Variants in DMD observed in about 807,000 individuals in gnomAD.
DMD encodes the protein mutant dystrophin.
Under a neutral mutation model 330.1 loss-of-function variants are expected in DMD, and 63 were observed. The ratio of observed to expected loss-of-function variants is 0.19; its 90% CI spans 0.16 to 0.24. The LOEUF is 0.24. Ranked by LOEUF, DMD falls within the 10% of genes least tolerant of loss-of-function variation. The pLI, the probability that DMD is intolerant of heterozygous loss-of-function variation, is 1.00. For missense variants in DMD, 3,344 were observed against 2,684.1 expected, an observed-to-expected ratio of 1.25 and a Z score of -5.43; for synonymous variants, 1,223 against 959.8, an observed-to-expected ratio of 1.27 and a Z score of -5.07.
intron 9 of DMD, among the ~76,000 whole-genome samples, chrX:32,655,059 C>G (rs973363351): frequency 9.0e-6 from 1 of 111,102 alleles, no homozygotes; most frequent in Non-Finnish European, 1.9e-5. Context: ...GTCTTGCTAG[C>G]GATCTATCAA....
intron 1 of DMD, among the ~76,000 whole-genome samples, chrX:33,247,304 A>C (rs1360599504): frequency 2.7e-5 from 3 of 111,608 alleles, no homozygotes; most frequent in African/African-American, 3.3e-5. Context: ...TTTCTTATAT[A>C]TTTTGTTTCT....
At chrX:31,888,896 T>C (rs1182249449) in intron 47 of DMD, among the ~76,000 whole-genome samples, 1 of 112,320 alleles carries the variant, frequency 8.9e-6, no homozygotes, top group African/African-American at 3.2e-5. Context: ...ACTTTAAAAG[T>C]AAGTGGATTT....
At chrX:32,128,946 G>T (rs1462173165) in intron 44 of DMD, among the ~76,000 whole-genome samples, 1 of 111,134 alleles carries the variant, frequency 9.0e-6, no homozygotes, top group Admixed American at 9.6e-5. Flanking sequence ...GAGCACAACA[G>T]AAACTCAATG....
At chrX:32,318,160 C>A (rs1156569043) in intron 41 of DMD, among the ~76,000 whole-genome samples, 1 of 111,262 alleles carries the variant, frequency 9.0e-6, no homozygotes, top group East Asian at 2.8e-4. Flanking sequence ...CCCCACAAGT[C>A]TTCAGAGAAA....
intron 1 of DMD, among the ~76,000 whole-genome samples, chrX:33,021,598 T>C (rs954121549): frequency 1.8e-5 from 2 of 111,463 alleles, no homozygotes; most frequent in Non-Finnish European, 3.8e-5. Context: ...ATAACAAATA[T>C]ATGCATGCAC....
At chrX:32,480,235 C>T (rs976365591) in intron 21 of DMD, among the ~76,000 whole-genome samples, 29 of 111,563 alleles carry the variant, frequency 2.6e-4, no homozygotes, top group African/African-American at 5.5e-4. Context: ...AAAATTAGAA[C>T]GGCTACTTTC....
intron 61 of DMD, among the ~76,000 whole-genome samples, chrX:31,342,284 A>T (rs1052938631): frequency 1.1e-4 from 12 of 111,555 alleles, no homozygotes; most frequent in African/African-American, 3.9e-4. Context: ...CTTTAGCAGA[A>T]ATTTTTTGTC....
Position 32,488,472 on chromosome X carries a change from C to T in DMD, c.2622+2805G>A, listed in dbSNP as rs7891308. ...TAAAACTTCTCCAAATAAAATAAAA[C>T]GCTGAGAAACATGTTATAATTTATT... On this transcript the variant is annotated intron_variant, in intron 20 of 78. Coordinates refer to ENST00000357033, the MANE Select transcript of DMD (RefSeq NM_004006.3). 7.9e-3 allele frequency among the ~76,000 whole-genome samples: 879 copies of T among 111,525 alleles called. 12 individuals carry two copies. The highest frequency in any genetic ancestry group is 0.027 in the African/African-American group (819 of 30,745).
chrX:31,362,901 G>C (rs1210611758), intron 60 of DMD, among the ~76,000 whole-genome samples: 2 of 112,784 alleles, frequency 1.8e-5, no homozygotes, highest in African/African-American at 6.4e-5. Flanking sequence ...AGTGAGCCGA[G>C]ATCGTGCCAC....
chrX:31,528,202 ACAGTGCATTAAAATACCTAAAC>A (rs2073394629), intron 55 of DMD, among the ~76,000 whole-genome samples: 1 of 111,595 alleles, frequency 9.0e-6, no homozygotes, highest in African/African-American at 3.3e-5. Context: ...TTAGGTTGTA[ACAGTGCATTAAAATACCTAAAC>A]AGTATACCAG....
intron 9 of DMD, among the ~76,000 whole-genome samples, chrX:32,673,460 G>C (rs1024273070): frequency 3.6e-5 from 4 of 111,439 alleles, no homozygotes; most frequent in Non-Finnish European, 7.6e-5. Flanking sequence ...ATATAGCTTT[G>C]TCTGAAGAAG....
intron 17 of DMD, among the ~76,000 whole-genome samples, chrX:32,539,330 A>C (rs1424896275): frequency 9.0e-6 from 1 of 111,161 alleles, no homozygotes; most frequent in East Asian, 2.8e-4. Context: ...TTTGCAACTG[A>C]AAGCAAGTTA....
chrX:32,585,575 C>A, intron 13 of DMD, among the ~76,000 whole-genome samples: 1 of 106,740 alleles, frequency 9.4e-6, no homozygotes, highest in East Asian at 3.0e-4. Context: ...TGGCAGGCGC[C>A]TGCAGTCCCA....
chrX:32,271,219 CA>C (rs1259508977), intron 43 of DMD, among the ~76,000 whole-genome samples: 1 of 111,731 alleles, frequency 9.0e-6, no homozygotes, highest in Non-Finnish European at 1.9e-5. Context: ...CATTTCAAGA[CA>C]AACAGACAAA....
intron 55 of DMD, among the ~76,000 whole-genome samples, chrX:31,529,434 C>G (rs1280972672): frequency 9.0e-6 from 1 of 110,842 alleles, no homozygotes; most frequent in Non-Finnish European, 1.9e-5. Flanking sequence ...TAAAGTAACA[C>G]AAGAATAACA....
chrX:32,299,084 T>G (rs2097510166), intron 42 of DMD, among the ~76,000 whole-genome samples: 1 of 110,512 alleles, frequency 9.0e-6, no homozygotes, highest in Non-Finnish European at 1.9e-5. Context: ...CATTTTGCAC[T>G]AACACAGGAA....
intron 2 of DMD, among the ~76,000 whole-genome samples, chrX:32,968,202 G>T (rs1220875371): frequency 3.6e-5 from 4 of 110,831 alleles, no homozygotes; most frequent in African/African-American, 1.3e-4. Flanking sequence ...TGCTTATGCT[G>T]GTCAGATTAA....
Position 31,688,684 on chromosome X carries a change from A to C in DMD, c.7661-9098T>G, listed in dbSNP as rs751823147. On this transcript the variant is annotated intron_variant, in intron 52 of 78. Coordinates refer to ENST00000357033, the MANE Select transcript of DMD (RefSeq NM_004006.3). Reference sequence around the variant, plus strand: ...ACAACAAAAAAAGAGAATTTTAGACAAATATCCCTGATGAACATCGATGCA... The same window carrying C: ...ACAACAAAAAAAGAGAATTTTAGACCAATATCCCTGATGAACATCGATGCA... 7.6e-3 allele frequency among the ~76,000 whole-genome samples: 848 copies of C among 110,986 alleles called. 8 individuals carry two copies. The highest frequency in any genetic ancestry group is 0.026 in the African/African-American group (794 of 30,486).
chrX:31,978,042 A>T (rs908002076), intron 44 of DMD, among the ~76,000 whole-genome samples: 1 of 111,725 alleles, frequency 9.0e-6, no homozygotes, highest in Non-Finnish European at 1.9e-5. Context: ...TTTAGCTTGT[A>T]TGAAGGAAAA....
Sources: allele counts gnomAD v4.1 joint callset (sites outside exome capture counted in the v4.1 genomes callset), GRCh38; gene constraint gnomAD v4.1.1; transcripts MANE v1.5; gene names NCBI Gene and HGNC (gene_info 2026-07-23, HGNC 2026-07-21).